FAM83B: variants seen among roughly 807,000 people sequenced by gnomAD.
FAM83B encodes the protein protein FAM83B.
Under a neutral mutation model 38.8 loss-of-function variants are expected in FAM83B, and 26 were observed. That is an observed-to-expected ratio of 0.67 (90% CI 0.49 to 0.93). FAM83B has a LOEUF of 0.93. Among genes scored for constraint, FAM83B ranks in the 40% least tolerant of loss-of-function variants. FAM83B has a pLI of 0.00. For synonymous variants in FAM83B, 419 were observed against 423.1 expected (o/e 0.99, Z 0.12); for missense variants, 1,237 against 1,197.3 (o/e 1.03, Z -0.49).
chr6:54,883,923 A>C (rs2127578582), intron 2 of FAM83B, among the ~76,000 whole-genome samples: 1 of 152,092 alleles, frequency 6.6e-6, no homozygotes, highest in South Asian at 2.1e-4. Context: ...TAATCCCAGG[A>C]CTTTGGGAGG....
intron 1 of FAM83B, among the ~76,000 whole-genome samples, chr6:54,864,609 G>A (rs1771658749): frequency 6.6e-6 from 1 of 152,172 alleles, no homozygotes; most frequent in African/African-American, 2.4e-5. Context: ...ATATCAAATT[G>A]CACTTGACAG....
At chr6:54,857,543 A>G (rs1264914590) in intron 1 of FAM83B, among the ~76,000 whole-genome samples, 2 of 152,102 alleles carry the variant, frequency 1.3e-5, no homozygotes, top group Non-Finnish European at 2.9e-5. Flanking sequence ...ATCTCTAGTT[A>G]TTTCTCCTTT....
chr6:54,937,835 A>C (rs1002836636), intron 4 of FAM83B, among the ~76,000 whole-genome samples: 1 of 152,160 alleles, frequency 6.6e-6, no homozygotes, highest in Non-Finnish European at 1.5e-5. Context: ...GTTTTGACAC[A>C]GATGTAAAAT....
chr6:54,915,373 A>G (rs929033848), intron 2 of FAM83B, among the ~76,000 whole-genome samples: 3 of 152,322 alleles, frequency 2.0e-5, no homozygotes, highest in Non-Finnish European at 2.9e-5. Flanking sequence ...GTCCGTTAGA[A>G]GCAATTAGCC....
chr6:54,855,377 A>G (rs1771424345), intron 1 of FAM83B, among the ~76,000 whole-genome samples: 1 of 152,196 alleles, frequency 6.6e-6, no homozygotes, highest in East Asian at 1.9e-4. Context: ...ATGTCTGTTA[A>G]TGTCAGACAA....
At chr6:54,851,672 GA>G in intron 1 of FAM83B, among the ~76,000 whole-genome samples, 1 of 114,082 alleles carries the variant, frequency 8.8e-6, no homozygotes, top group South Asian at 2.8e-4. Flanking sequence ...TTTTGAGACG[GA>G]GTCTCGCTCT....
At chr6:54,908,928 A>T (rs761373953) in intron 2 of FAM83B, among the ~76,000 whole-genome samples, 9 of 152,194 alleles carry the variant, frequency 5.9e-5, no homozygotes, top group Non-Finnish European at 1.2e-4. Context: ...GAAGAAAACT[A>T]GTTCTAGTCA....
At chr6:54,875,920 A>G (rs1771982866) in intron 2 of FAM83B, among the ~76,000 whole-genome samples, 1 of 152,154 alleles carries the variant, frequency 6.6e-6, no homozygotes, top group African/African-American at 2.4e-5. Context: ...CACATTCTAT[A>G]TCTATTTTAT....
Position 54,941,223 on chromosome 6 carries a change from C to T in FAM83B, c.2252C>T (p.Ser751Phe), listed in dbSNP as rs1224259724. The part of the protein sequence containing the change: ...AALLDVNKEE[S>F]NKELASKKEV... ...TTACTTGATGTGAATAAAGAGGAAT[C>T]TAACAAAGAACTTGCTTCAAAGAAG... The change falls in exon 5 of 5, where the codon TCT (serine) becomes TTT (phenylalanine). Residue 751 changes from serine to phenylalanine, a missense_variant. By Grantham distance (155) the Ser-to-Phe change is radical. Coordinates refer to ENST00000306858, the MANE Select transcript of FAM83B (RefSeq NM_001010872.3). 1 of 1,613,412 alleles carries T rather than the reference C, an allele frequency of 6.2e-7. No homozygotes were observed. The highest frequency in any genetic ancestry group is 8.5e-7 in the Non-Finnish European group (1 of 1,179,878).
chr6:54,874,796 A>G (rs1000919815), intron 2 of FAM83B, among the ~76,000 whole-genome samples: 7 of 152,136 alleles, frequency 4.6e-5, no homozygotes, highest in Non-Finnish European at 1.0e-4. Flanking sequence ...CACATAAGCA[A>G]AAGTCTAGTG....
At chr6:54,889,095 A>G (rs1390448880) in intron 2 of FAM83B, among the ~76,000 whole-genome samples, 2 of 152,088 alleles carry the variant, frequency 1.3e-5, no homozygotes, top group African/African-American at 2.4e-5. Flanking sequence ...TGTCAGTCCT[A>G]TAATTCTCAT....
intron 2 of FAM83B, among the ~76,000 whole-genome samples, chr6:54,924,770 GCTAT>G (rs1773248769): frequency 6.6e-6 from 1 of 151,932 alleles, no homozygotes; most frequent in Non-Finnish European, 1.5e-5. Flanking sequence ...CCAGTATCTG[GCTAT>G]CTCTTTTCAT....
At chr6:54,859,176 C>T (rs13218354) in intron 1 of FAM83B, among the ~76,000 whole-genome samples, 2,332 of 152,018 alleles carry the variant, frequency 0.015, 29 homozygotes, top group Middle Eastern at 0.085. Flanking sequence ...TTCTCCCTGC[C>T]GCAGCCTCCT....
Position 54,939,852 on chromosome 6 carries a change from T to C in FAM83B, c.881T>C (p.Val294Ala). The C allele has an allele frequency of 6.2e-7, 1 of 1,613,984 alleles. No homozygotes were observed. The highest frequency in any genetic ancestry group is 8.5e-7 in the Non-Finnish European group (1 of 1,179,966). ...TTTGCTCAGGAAGAATCAGCAAGGG[T>C]GAAGCATGGAAAAGCCCTCTGGGAA... is the stretch of plus-strand genomic sequence containing the variant. ...SSFAQEESARVKHGKALWENG... is the reference protein window; with the variant it reads ...SSFAQEESARAKHGKALWENG... Residue 294 changes from valine (V) to alanine (A), a missense_variant, in exon 5 of 5, where the codon GTG becomes GCG. Transcript: ENST00000306858.
At chr6:54,931,461 C>T (rs536039043) in intron 4 of FAM83B, among the ~76,000 whole-genome samples, 9 of 151,776 alleles carry the variant, frequency 5.9e-5, no homozygotes, top group Admixed American at 5.9e-4. Context: ...TATTTAGGAG[C>T]TCTGAGGTTT....
intron 1 of FAM83B, among the ~76,000 whole-genome samples, chr6:54,863,172 C>A (rs1771626221): frequency 6.6e-6 from 1 of 152,102 alleles, no homozygotes; most frequent in African/African-American, 2.4e-5. Flanking sequence ...TCCTATAGGA[C>A]CCTCTCCAAA....
intron 1 of FAM83B, among the ~76,000 whole-genome samples, chr6:54,855,127 A>C (rs940139174): frequency 4.6e-5 from 7 of 152,222 alleles, no homozygotes; most frequent in African/African-American, 1.7e-4. Flanking sequence ...TAAGTGTGCA[A>C]ATACGCAGTA....
At position 54,941,321 on chromosome 6, in the gene FAM83B, G is replaced by A. The variant is rs1773686671; in HGVS notation, c.2350G>A (p.Asp784Asn). 1.9e-6 allele frequency: 3 copies of A among 1,612,324 alleles called. No homozygotes were observed. Among genetic ancestry groups the A allele is most frequent in the Admixed American group, 3.4e-5 (2 of 59,602 alleles). Residue 784 changes from aspartate to asparagine, a missense_variant, in exon 5 of 5, where the codon GAT becomes AAT. Physicochemically the swap from Asp to Asn is conservative, Grantham distance 23. Transcript: ENST00000306858. ...AAGGTCATTACTTAGCCTTACCCCA[G>A]ATAAGAAAGAAAATCTATCCAAAAA... ...KLRSLLSLTP[D>N]KKENLSKNKA...
intron 2 of FAM83B, among the ~76,000 whole-genome samples, chr6:54,894,876 C>T (rs1209309742): frequency 6.6e-6 from 1 of 152,166 alleles, no homozygotes; most frequent in Non-Finnish European, 1.5e-5. Context: ...ATCCAGACTG[C>T]CTGGCTTTGA....
Sources: allele counts gnomAD v4.1 joint callset (sites outside exome capture counted in the v4.1 genomes callset), GRCh38; gene constraint gnomAD v4.1.1; transcripts MANE v1.5; gene names NCBI Gene and HGNC (gene_info 2026-07-23, HGNC 2026-07-21).